GRIK2: variants seen among roughly 807,000 people sequenced by gnomAD.
GRIK2 encodes the protein glutamate ionotropic receptor kainate type subunit 2.
GRIK2 carries 32 observed loss-of-function variants against 100.3 expected under a neutral mutation model. The ratio of observed to expected loss-of-function variants is 0.32; its 90% CI spans 0.24 to 0.43. The LOEUF is 0.43. Ranked by LOEUF, GRIK2 falls within the 20% of genes least tolerant of loss-of-function variation. The pLI, the probability that GRIK2 is intolerant of heterozygous loss-of-function variation, is 1.00. For missense variants in GRIK2, 843 were observed against 1,114.9 expected, an observed-to-expected ratio of 0.76 and a Z score of 3.47; for synonymous variants, 417 against 389.4, an observed-to-expected ratio of 1.07 and a Z score of -0.83.
At chr6:101,773,746 G>A (rs1277379183) in intron 7 of GRIK2, among the ~76,000 whole-genome samples, 1 of 152,080 alleles carries the variant, frequency 6.6e-6, no homozygotes, top group African/African-American at 2.4e-5. Context: ...CAACAACTCT[G>A]TGAGGTAGCT....
At chr6:101,406,922 T>C (rs1775626618) in intron 2 of GRIK2, among the ~76,000 whole-genome samples, 1 of 152,192 alleles carries the variant, frequency 6.6e-6, no homozygotes, top group Non-Finnish European at 1.5e-5. Flanking sequence ...ATCAATTAGC[T>C]ACTTTTCTAT....
chr6:101,834,535 T>C (rs1454436232), intron 10 of GRIK2, among the ~76,000 whole-genome samples: 1 of 152,178 alleles, frequency 6.6e-6, no homozygotes, highest in East Asian at 1.9e-4. Context: ...AAAAGTTGTA[T>C]AGCTAGTGAT....
At chr6:101,638,208 A>T (rs1781115761) in intron 4 of GRIK2, among the ~76,000 whole-genome samples, 3 of 149,386 alleles carry the variant, frequency 2.0e-5, no homozygotes, top group African/African-American at 7.4e-5. Context: ...TATTTACTCC[A>T]CAAGTAATTA....
chr6:101,508,281 G>A (rs1774121669), intron 2 of GRIK2, among the ~76,000 whole-genome samples: 1 of 152,024 alleles, frequency 6.6e-6, no homozygotes, highest in Non-Finnish European at 1.5e-5. Context: ...GTGTTGCTAA[G>A]GTATCACAGT....
At chr6:102,041,529 A>ATATT (rs1770573726) in intron 15 of GRIK2, among the ~76,000 whole-genome samples, 1 of 151,534 alleles carries the variant, frequency 6.6e-6, no homozygotes, top group African/African-American at 2.4e-5. Context: ...TGTGACAGAC[A>ATATT]TATTCATAGC....
intron 4 of GRIK2, among the ~76,000 whole-genome samples, chr6:101,674,581 T>A (rs1045664795): frequency 1.3e-5 from 2 of 152,224 alleles, no homozygotes; most frequent in African/African-American, 2.4e-5. Context: ...CCTATTTTTG[T>A]TTCTTTACAG....
intron 2 of GRIK2, among the ~76,000 whole-genome samples, chr6:101,507,231 C>A (rs1008625451): frequency 1.8e-4 from 27 of 151,832 alleles, no homozygotes; most frequent in African/African-American, 6.3e-4. Context: ...TTATATTAAC[C>A]AAAAATATAG....
intron 15 of GRIK2, among the ~76,000 whole-genome samples, chr6:102,046,484 A>G (rs936455916): frequency 2.6e-5 from 4 of 151,912 alleles, no homozygotes; most frequent in Non-Finnish European, 5.9e-5. Flanking sequence ...AAAAAGTGTG[A>G]CACTTCTCCC....
chr6:101,537,110 G>T (rs540437398), intron 2 of GRIK2, among the ~76,000 whole-genome samples: 1 of 151,658 alleles, frequency 6.6e-6, no homozygotes, highest in Non-Finnish European at 1.5e-5. Flanking sequence ...GGCCGGAGAA[G>T]TTAAAGTGCT....
At position 101,719,138 on chromosome 6, in the gene GRIK2, G is replaced by GTTTTTTTTTTTTTT. The variant is rs60301711; in HGVS notation, c.951+32810_951+32823dup. 1.1e-4 allele frequency among the ~76,000 whole-genome samples: 11 copies of GTTTTTTTTTTTTTT among 101,146 alleles called. 1 individual carries two copies. The highest frequency in any genetic ancestry group is 2.5e-4 in the African/African-American group (5 of 20,126). The allele number at this position is 101,146 out of a possible 152,430, so 66.4% of individuals were successfully genotyped here. A position where few individuals can be genotyped will look rare whatever the true frequency, so the allele number is the denominator to read the frequency against. ...CTGAAATGTGCAACAGGCTGCAAGG[G>GTTTTTTTTTTTTTT]TTTTTTTTTTTTTTTTTTTTTTTTT... On this transcript the variant is annotated intron_variant, in intron 7 of 16. Coordinates refer to ENST00000369134, the MANE Select transcript of GRIK2 (RefSeq NM_021956.5).
intron 3 of GRIK2, among the ~76,000 whole-genome samples, chr6:101,624,380 T>A (rs1780325841): frequency 6.6e-6 from 1 of 152,180 alleles, no homozygotes; most frequent in African/African-American, 2.4e-5. Context: ...TTTATACTAA[T>A]TTAGAATTCC....
At chr6:101,824,939 T>A (rs1252318455) in intron 10 of GRIK2, among the ~76,000 whole-genome samples, 1 of 152,052 alleles carries the variant, frequency 6.6e-6, no homozygotes, top group Non-Finnish European at 1.5e-5. Flanking sequence ...CCCTAAGTGG[T>A]TCTGTAGCTT....
chr6:101,696,582 A>G (rs1278225852), intron 7 of GRIK2, among the ~76,000 whole-genome samples: 1 of 151,978 alleles, frequency 6.6e-6, no homozygotes, highest in South Asian at 2.1e-4. Flanking sequence ...GAGTCTAGCT[A>G]CCAGCGAATG....
In GRIK2 at chr6:101,596,008, G is replaced by A. The variant is rs749310050; in HGVS notation, c.116-25941G>A. Among the ~76,000 whole-genome samples, 73 of 147,024 alleles carry A rather than the reference G, an allele frequency of 5.0e-4. 1 individual carries two copies. The highest frequency in any genetic ancestry group is 3.5e-3 in the Middle Eastern group (1 of 288). On this transcript the variant is annotated intron_variant, in intron 2 of 16. Transcript: ENST00000369134. ...TTCAGCTGCAAATCCATGAAGGCAA[G>A]CATGTTGTGAGGAAAATTTCTTTTA...
At chr6:101,482,875 A>T (rs886247057) in intron 2 of GRIK2, among the ~76,000 whole-genome samples, 1 of 152,086 alleles carries the variant, frequency 6.6e-6, no homozygotes, top group African/African-American at 2.4e-5. Context: ...CCCAGTGTGG[A>T]TCCCCATCTT....
chr6:102,060,972 T>TA (rs1321581501), intron 16 of GRIK2, among the ~76,000 whole-genome samples: 26 of 150,138 alleles, frequency 1.7e-4, no homozygotes, highest in African/African-American at 4.6e-4. Flanking sequence ...TCAATTTTTT[T>TA]ATTGTTTTTA....
intron 12 of GRIK2, among the ~76,000 whole-genome samples, chr6:101,923,006 A>C (rs753550136): frequency 6.6e-5 from 10 of 152,184 alleles, no homozygotes; most frequent in Non-Finnish European, 1.3e-4. Flanking sequence ...AAATCAACTT[A>C]CTCTTCAATC....
intron 9 of GRIK2, among the ~76,000 whole-genome samples, chr6:101,812,520 TAAAA>T (rs1291732188): frequency 7.2e-6 from 1 of 138,392 alleles, no homozygotes; most frequent in Non-Finnish European, 1.5e-5. Context: ...GTTCAATAAA[TAAAA>T]CGTTTATTGG....
At chr6:101,952,803 C>T (rs1416855286) in intron 14 of GRIK2, among the ~76,000 whole-genome samples, 2 of 152,070 alleles carry the variant, frequency 1.3e-5, no homozygotes, top group African/African-American at 2.4e-5. Context: ...GGGGTTTCAC[C>T]GTGTTAGCCA....
Sources: gnomAD v4.1 joint callset for allele counts (sites outside exome capture counted in the v4.1 genomes callset) on GRCh38, gnomAD v4.1.1 for gene constraint, MANE v1.5 for transcripts, NCBI Gene and HGNC (gene_info 2026-07-23, HGNC 2026-07-21) for gene names.